Variants in CCDC88A observed in about 807,000 individuals in gnomAD.
The protein encoded by CCDC88A is coiled-coil and HOOK domain protein 88A, also known as girdin.
Under a neutral mutation model 234.3 loss-of-function variants are expected in CCDC88A, and 54 were observed. The ratio of observed to expected loss-of-function variants is 0.23; its 90% confidence interval spans 0.19 to 0.29. The LOEUF (loss-of-function observed/expected upper bound fraction) is 0.29, where lower values mean the gene tolerates loss of function less well. Among genes scored for constraint, CCDC88A ranks in the 10% least tolerant of loss-of-function variants. The pLI is 1.00. For missense variants in CCDC88A, 1,832 were observed against 2,123.4 expected, an observed-to-expected ratio of 0.86 and a Z score of 2.70; for synonymous variants, 753 against 737.8, an observed-to-expected ratio of 1.02 and a Z score of -0.33.
intron 3 of CCDC88A, among the ~76,000 whole-genome samples, chr2:55,378,908 G>C (rs1674138885): frequency 6.6e-6 from 1 of 151,944 alleles, no homozygotes; most frequent in Non-Finnish European, 1.5e-5. Flanking sequence ...ACCACATCCA[G>C]CCAATTTTTG....
chr2:55,410,279 T>C (rs1345092424), intron 2 of CCDC88A, among the ~76,000 whole-genome samples: 1 of 152,162 alleles, frequency 6.6e-6, no homozygotes. Flanking sequence ...AGGAGACCTC[T>C]TTGTGGTGCT....
chr2:55,374,792 A>G (rs772096268), intron 4 of CCDC88A, 22 bp downstream of exon 4: 1 of 1,489,176 alleles, frequency 6.7e-7, no homozygotes, highest in Admixed American at 1.7e-5. Flanking sequence ...CATTACTTTC[A>G]CAGCTTAATT....
At chr2:55,340,303 G>A (rs1668318378) in intron 12 of CCDC88A, 1 of 152,192 alleles carries the variant, frequency 6.6e-6, no homozygotes, top group Non-Finnish European at 1.5e-5. Context: ...AAAGGTACTG[G>A]AGAGAATTTC....
chr2:55,342,799 A>G (rs1462888522), intron 12 of CCDC88A, among the ~76,000 whole-genome samples: 1 of 152,130 alleles, frequency 6.6e-6, no homozygotes, highest in Non-Finnish European at 1.5e-5. Context: ...AAATCTCAAG[A>G]GTTTATGTCT....
intron 5 of CCDC88A, 88 bp from the exon 6 acceptor site, chr2:55,364,121 C>T (rs1405907681): frequency 1.9e-5 from 11 of 570,706 alleles, no homozygotes; most frequent in Admixed American, 3.7e-5. Flanking sequence ...ATGAGGTTTG[C>T]TATATTTTGA....
chr2:55,360,452 G>GA (rs1671139544), intron 7 of CCDC88A, among the ~76,000 whole-genome samples: 1 of 152,038 alleles, frequency 6.6e-6, no homozygotes, highest in Non-Finnish European at 1.5e-5. Context: ...CAAATTGAGG[G>GA]AAAAAAATTT....
At chr2:55,370,776 G>A (rs907014978) in intron 5 of CCDC88A, among the ~76,000 whole-genome samples, 18 of 151,302 alleles carry the variant, frequency 1.2e-4, no homozygotes, top group African/African-American at 4.4e-4. Flanking sequence ...GGGAGGCCGA[G>A]GCAGGAAGAT....
intron 23 of CCDC88A, among the ~76,000 whole-genome samples, chr2:55,311,920 A>G (rs1682395763): frequency 6.6e-6 from 1 of 152,142 alleles, no homozygotes; most frequent in Non-Finnish European, 1.5e-5. Context: ...CCACTTCTCT[A>G]TTGCACCCCT....
Position 55,384,611 on chromosome 2 carries a change from G to GTA in CCDC88A, c.273+4165_273+4166dup, listed in dbSNP as rs1675247369. Reference sequence around the variant, plus strand: ...TATACACATATATACGTATATATGTGTATATATACGTATATATATGTATAT... The same window carrying GTA: ...TATACACATATATACGTATATATGTGTATATATATACGTATATATATGTATAT... On this transcript the variant is annotated intron_variant, in intron 3 of 32. Transcript: ENST00000436346. Among the ~76,000 whole-genome samples, 3 of 105,106 alleles carry GTA rather than the reference G, an allele frequency of 2.9e-5. 1 individual carries two copies. Among genetic ancestry groups the GTA allele is most frequent in the Non-Finnish European group, 5.3e-5 (3 of 56,238 alleles). 69.0% of individuals were successfully genotyped at this position (105,106 alleles called of 152,430 possible). A position where few individuals can be genotyped will look rare whatever the true frequency, so the allele number is the denominator to read the frequency against.
chr2:55,347,205 A>C (rs1044035447), intron 9 of CCDC88A, among the ~76,000 whole-genome samples: 7 of 152,202 alleles, frequency 4.6e-5, no homozygotes, highest in African/African-American at 1.7e-4. Flanking sequence ...CGTTAATGTC[A>C]TTTGAGACAA....
Position 55,385,852 on chromosome 2 carries a change from C to CAA in CCDC88A, c.273+2924_273+2925dup, listed in dbSNP as rs56233901. 8.0e-3 allele frequency among the ~76,000 whole-genome samples: 501 copies of CAA among 62,436 alleles called. 21 individuals carry two copies. Among genetic ancestry groups the CAA allele is most frequent in the African/African-American group, 0.012 (182 of 15,086 alleles). The allele number at this position is 62,436 out of a possible 152,430, so 41.0% of individuals were successfully genotyped here. A position where few individuals can be genotyped will look rare whatever the true frequency, so the allele number is the denominator to read the frequency against. ...TAGGTAACAGAGTGAAACTCCATGT[C>CAA]AAAAAAAAAAAAAAAAAAAAAAAAA... On this transcript the variant is annotated intron_variant, in intron 3 of 32. Transcript: ENST00000436346.
Position 55,399,079 on chromosome 2 carries a change from T to C in CCDC88A, c.165-10193A>G, listed in dbSNP as rs13392822. 4.0e-3 allele frequency among the ~76,000 whole-genome samples: 601 copies of C among 152,126 alleles called. 5 individuals are homozygous for C. The highest frequency in any genetic ancestry group is 0.014 in the African/African-American group (565 of 41,492). ...ACCTGTGTTAACTATATTAGAAAGA[T>C]AGGGTAAGAAGAAATACAGGAGCAT... On this transcript the variant is annotated intron_variant, in intron 2 of 32. Coordinates refer to ENST00000436346, the MANE Select transcript of CCDC88A (RefSeq NM_001365480.1).
rs1371324818 is a variant in CCDC88A, at chr2:55,419,240, C to T, written c.-161G>A. ...GGGCACTCTCCCTCCTCAAAAAACA[C>T]CCCAGAGTGAAACGAGCCGAAATCC... On this transcript the variant is annotated 5_prime_UTR_variant, in exon 1 of 33. It adds an upstream start codon to the 5' untranslated region. Transcript: ENST00000436346. The T allele has an allele frequency of 8.4e-6, 5 of 597,894 alleles. No homozygotes were observed. In the South Asian group the frequency reaches 1.0e-4, roughly 12 times the overall value. The allele number at this position is 597,894 out of a possible 1,614,324, so 37.0% of individuals were successfully genotyped here. A position where few individuals can be genotyped will look rare whatever the true frequency, so the allele number is the denominator to read the frequency against.
chr2:55,407,709 T>G (rs1679828152), intron 2 of CCDC88A, among the ~76,000 whole-genome samples: 1 of 151,596 alleles, frequency 6.6e-6, no homozygotes, highest in South Asian at 2.1e-4. Flanking sequence ...TTGCCCAGCT[T>G]TCTAGTTTAA....
At position 55,419,593 on chromosome 2, in the gene CCDC88A, C is replaced by CCGCGGAGCCTCCACTG. The variant is rs1681987958; in HGVS notation, c.-530_-515dup. The CCGCGGAGCCTCCACTG allele has an allele frequency of 6.5e-6, 1 of 154,304 alleles. No homozygotes were observed. The highest frequency in any genetic ancestry group is 1.4e-5 in the Non-Finnish European group (1 of 69,518). The allele number at this position is 154,304 out of a possible 1,614,324, so 9.6% of individuals were successfully genotyped here. A position where few individuals can be genotyped will look rare whatever the true frequency, so the allele number is the denominator to read the frequency against. On this transcript the variant is annotated 5_prime_UTR_variant, in exon 1 of 33. Coordinates refer to ENST00000436346, the MANE Select transcript of CCDC88A (RefSeq NM_001365480.1). ...CGATGGGCATGGAGCCGCTTTCGACCCGCGGAGCCTCCACTGCCCGCAGCC... is the reference window on the plus strand; with the variant it reads ...CGATGGGCATGGAGCCGCTTTCGACCCGCGGAGCCTCCACTGCGCGGAGCCTCCACTGCCCGCAGCC...
At position 55,419,487 on chromosome 2, in the gene CCDC88A, G is replaced by T; in HGVS notation, c.-408C>A. 5.4e-6 allele frequency: 1 copy of T among 184,540 alleles called. No homozygotes were observed. 11.4% of individuals were successfully genotyped at this position (184,540 alleles called of 1,614,324 possible). On this transcript the variant is annotated 5_prime_UTR_variant, in exon 1 of 33. Transcript: ENST00000436346. ...TCCCAACGGGGGCTAAATGAAATAC[G>T]TTAAACAGAGACCACGTTAAGGATA...
intron 8 of CCDC88A, among the ~76,000 whole-genome samples, chr2:55,354,857 G>A (rs983445940): frequency 2.0e-5 from 3 of 151,698 alleles, no homozygotes; most frequent in East Asian, 1.9e-4. Flanking sequence ...GTGAACCACC[G>A]CGCCTGGCCT....
At chr2:55,299,809 A>C in intron 29 of CCDC88A, 30 bp downstream of exon 29, 1 of 1,402,054 alleles carries the variant, frequency 7.1e-7, no homozygotes, top group Non-Finnish European at 1.0e-6. Flanking sequence ...AAATGGATAG[A>C]GCGCATTAAT....
At chr2:55,389,448 G>C (rs1482303211) in intron 2 of CCDC88A, among the ~76,000 whole-genome samples, 2 of 152,192 alleles carry the variant, frequency 1.3e-5, no homozygotes, top group African/African-American at 2.4e-5. Flanking sequence ...CCATGGTTTA[G>C]AATGGGAAAT....
Sources: gnomAD v4.1 joint callset for allele counts (sites outside exome capture counted in the v4.1 genomes callset) on GRCh38, gnomAD v4.1.1 for gene constraint, MANE v1.5 for transcripts, NCBI Gene and HGNC (gene_info 2026-07-23, HGNC 2026-07-21) for gene names.